Variants in MAML3 observed in about 807,000 individuals in gnomAD.
The protein encoded by MAML3 is mastermind like transcriptional coactivator 3.
MAML3 carries 27 observed loss-of-function variants against 101.9 expected under a neutral mutation model. The observed-to-expected ratio is 0.27, with a 90% CI of 0.20 to 0.37. The LOEUF (loss-of-function observed/expected upper bound fraction) is 0.37. Among genes scored for constraint, MAML3 ranks in the 10% least tolerant of loss-of-function variants. The pLI, the probability that MAML3 is intolerant of heterozygous loss-of-function variation, is 1.00. For missense variants in MAML3, 1,316 were observed against 1,444.9 expected (o/e 0.91, Z 1.45); for synonymous variants, 501 against 555.9 (o/e 0.90, Z 1.39).
intron 2 of MAML3, among the ~76,000 whole-genome samples, chr4:139,833,185 AAC>A (rs1354331126): frequency 1.3e-5 from 2 of 152,230 alleles, no homozygotes; most frequent in African/African-American, 4.8e-5. Context: ...AAAAACAGTC[AAC>A]ACACAAACAC....
chr4:139,743,750 A>C (rs1327808768), intron 2 of MAML3, among the ~76,000 whole-genome samples: 1 of 152,220 alleles, frequency 6.6e-6, no homozygotes, highest in Non-Finnish European at 1.5e-5. Context: ...TTCTATAGAA[A>C]GCCTTGAGAA....
intron 1 of MAML3, among the ~76,000 whole-genome samples, chr4:139,915,128 T>C (rs1733002412): frequency 6.6e-6 from 1 of 152,220 alleles, no homozygotes; most frequent in Non-Finnish European, 1.5e-5. Context: ...ATGACTCCCA[T>C]GTTGCAAAAT....
At chr4:139,747,295 C>T (rs901018819) in intron 2 of MAML3, among the ~76,000 whole-genome samples, 6 of 152,152 alleles carry the variant, frequency 3.9e-5, no homozygotes, top group African/African-American at 9.7e-5. Context: ...GAGTGCAGAG[C>T]GCGGGCAACT....
In MAML3 at chr4:140,118,412, T is replaced by C. The variant is rs192903251; in HGVS notation, c.468+34448A>G. Among the ~76,000 whole-genome samples the C allele has an allele frequency of 3.6e-3, 555 of 152,252 alleles. 5 individuals carry two copies. Among genetic ancestry groups the C allele is most frequent in the African/African-American group, 0.013 (522 of 41,544 alleles). On this transcript the variant is annotated intron_variant, in intron 1 of 4. Transcript: ENST00000509479. Reference sequence around the variant, plus strand: ...ATGCTTAGTACAGTGTAGTACATAGTAAGTAGCATATAAGTATTAGCTAAT... The same window carrying C: ...ATGCTTAGTACAGTGTAGTACATAGCAAGTAGCATATAAGTATTAGCTAAT...
chr4:139,956,384 A>G (rs763086121), intron 1 of MAML3, among the ~76,000 whole-genome samples: 3 of 152,208 alleles, frequency 2.0e-5, no homozygotes, highest in African/African-American at 4.8e-5. Context: ...AAGTCGAGCA[A>G]TACATTTCAG....
chr4:139,729,536 G>T (rs1285479865), intron 3 of MAML3, among the ~76,000 whole-genome samples: 29 of 152,096 alleles, frequency 1.9e-4, no homozygotes, highest in Admixed American at 1.9e-3. Flanking sequence ...ACTTATGTTG[G>T]GCCTTCAGCT....
intron 1 of MAML3, among the ~76,000 whole-genome samples, chr4:139,900,691 T>C (rs1000501611): frequency 6.6e-5 from 10 of 152,250 alleles, no homozygotes; most frequent in African/African-American, 2.4e-4. Flanking sequence ...GCAAGACTGT[T>C]ATCTTTGCAA....
At chr4:140,145,086 G>A (rs948798707) in intron 1 of MAML3, among the ~76,000 whole-genome samples, 3 of 152,194 alleles carry the variant, frequency 2.0e-5, no homozygotes, top group Non-Finnish European at 4.4e-5. Context: ...AATAGACTTA[G>A]AGCACTTCGG....
At chr4:139,789,202 G>T (rs1289013697) in intron 2 of MAML3, among the ~76,000 whole-genome samples, 1 of 152,156 alleles carries the variant, frequency 6.6e-6, no homozygotes, top group Non-Finnish European at 1.5e-5. Flanking sequence ...ACAAAATGTG[G>T]TTTTTCCCTT....
At chr4:140,089,099 A>C (rs1431493068) in intron 1 of MAML3, among the ~76,000 whole-genome samples, 1 of 152,210 alleles carries the variant, frequency 6.6e-6, no homozygotes, top group African/African-American at 2.4e-5. Context: ...ACACAAAATA[A>C]ATGACAGGCC....
intron 2 of MAML3, among the ~76,000 whole-genome samples, chr4:139,784,621 A>G (rs1578599721): frequency 6.6e-6 from 1 of 152,236 alleles, no homozygotes. Flanking sequence ...CCTTAAAAAG[A>G]AACATTTGTA....
chr4:139,946,831 C>A (rs1455278527), intron 1 of MAML3, among the ~76,000 whole-genome samples: 1 of 150,236 alleles, frequency 6.7e-6, no homozygotes, highest in African/African-American at 2.4e-5. Flanking sequence ...TTATATCAAC[C>A]CTTGATGTTT....
At position 139,889,459 on chromosome 4, in the gene MAML3, G is replaced by C; in HGVS notation, c.1977C>G (p.Pro659=). The C allele has an allele frequency of 6.2e-7, 1 of 1,613,922 alleles. No homozygotes were observed. Among genetic ancestry groups the C allele is most frequent in the Non-Finnish European group, 8.5e-7 (1 of 1,179,884 alleles). The part of the protein sequence containing the change: ...QQPPPPQLQA[P]RAHLSEDQKR... ...TCTGGTCTTCGCTCAGGTGTGCCCT[G>C]GGGGCCTGGAGCTGTGGAGGTGGCG... The change falls in exon 2 of 5, where the codon CCC becomes CCG. Residue 659 remains proline, a synonymous_variant. Transcript: ENST00000509479.
At chr4:139,811,109 T>C (rs1730789006) in intron 2 of MAML3, among the ~76,000 whole-genome samples, 1 of 152,242 alleles carries the variant, frequency 6.6e-6, no homozygotes, top group African/African-American at 2.4e-5. Flanking sequence ...GTGCATCAGT[T>C]ACATTTCCTC....
chr4:139,811,699 T>C (rs1456353923), intron 2 of MAML3, among the ~76,000 whole-genome samples: 2 of 152,216 alleles, frequency 1.3e-5, no homozygotes, highest in East Asian at 1.9e-4. Context: ...CAGTTAAACA[T>C]TGAGGACTGA....
In MAML3 at chr4:139,737,314, AT is replaced by A. The variant is rs200018580; in HGVS notation, c.2080-6648del. On this transcript the variant is annotated intron_variant, in intron 2 of 4. Coordinates refer to ENST00000509479, the MANE Select transcript of MAML3 (RefSeq NM_018717.5). ...CCTGTATGTTTAACTCATTTTGTTG[AT>A]TTTTTTTTTTTAAGCCCAAATTTCT... 8.5e-3 allele frequency among the ~76,000 whole-genome samples: 1,254 copies of A among 147,562 alleles called. 14 individuals carry two copies. The highest frequency in any genetic ancestry group is 0.026 in the African/African-American group (1,049 of 40,296).
intron 2 of MAML3, among the ~76,000 whole-genome samples, chr4:139,778,528 G>C (rs1476954860): frequency 2.0e-5 from 3 of 152,242 alleles, no homozygotes; most frequent in Admixed American, 6.5e-5. Context: ...GAAAACCATT[G>C]AGTTGGATCA....
intron 1 of MAML3, among the ~76,000 whole-genome samples, chr4:140,115,136 G>A (rs1414861536): frequency 6.6e-6 from 1 of 152,160 alleles, no homozygotes; most frequent in African/African-American, 2.4e-5. Context: ...TTGTCCTATG[G>A]AGATATGTAA....
intron 2 of MAML3, among the ~76,000 whole-genome samples, chr4:139,747,746 C>T (rs1729373842): frequency 6.6e-6 from 1 of 150,740 alleles, no homozygotes; most frequent in Admixed American, 6.6e-5. Context: ...CTGATACTTA[C>T]TAAGAGTAAT....
Sources: gnomAD v4.1 joint callset for allele counts (sites outside exome capture counted in the v4.1 genomes callset) on GRCh38, gnomAD v4.1.1 for gene constraint, MANE v1.5 for transcripts, NCBI Gene and HGNC (gene_info 2026-07-23, HGNC 2026-07-21) for gene names.